The following DLGAP2 variants were observed in gnomAD, a reference collection of about 807,000 sequenced individuals.
The protein encoded by DLGAP2 is DLG associated protein 2.
Under a neutral mutation model 100.3 loss-of-function variants are expected in DLGAP2, and 26 were observed. That is an observed-to-expected ratio of 0.26 (90% CI 0.19 to 0.36). The LOEUF (loss-of-function observed/expected upper bound fraction) is 0.36, where lower values mean the gene tolerates loss of function less well. Ranked by LOEUF, DLGAP2 falls within the 10% of genes least tolerant of loss-of-function variation. The probability of loss-of-function intolerance (pLI) is 1.00; values close to 1 mark genes in which losing one functional copy is unlikely to be tolerated. For synonymous variants in DLGAP2, 886 were observed against 630.1 expected (o/e 1.41, Z -6.08); for missense variants, 1,858 against 1,453.2 (o/e 1.28, Z -4.53).
At chr8:869,125 G>A (rs772500598) in intron 1 of DLGAP2, among the ~76,000 whole-genome samples, 1 of 152,056 alleles carries the variant, frequency 6.6e-6, no homozygotes, top group African/African-American at 2.4e-5. Flanking sequence ...CCTGCTTCAC[G>A]CCTCTCTTCT....
At chr8:1,661,702 C>T (rs556819717) in intron 8 of DLGAP2, among the ~76,000 whole-genome samples, 1 of 152,264 alleles carries the variant, frequency 6.6e-6, no homozygotes, top group South Asian at 2.1e-4. Context: ...TGAATTGGAG[C>T]TCCATGATGC....
At chr8:1,202,260 G>A (rs1306826915) in intron 2 of DLGAP2, among the ~76,000 whole-genome samples, 1 of 146,852 alleles carries the variant, frequency 6.8e-6, no homozygotes, top group Non-Finnish European at 1.5e-5. Context: ...GTGTGTGTGT[G>A]TGTGTGTGTG....
Position 967,063 on chromosome 8 carries a change from T to C in DLGAP2, c.73+59097T>C, listed in dbSNP as rs886797080. Among the ~76,000 whole-genome samples, 8 of 152,392 alleles carry C rather than the reference T, an allele frequency of 5.2e-5. No individual in the cohort carries two copies. In the East Asian group the frequency reaches 1.5e-3, roughly 29 times the overall value. The stretch of plus-strand genomic sequence containing the variant: ...GGTTACTTTTCTTTTAAATGAATGC[T>C]GAAATAAACTTCTTTGTGTATTTAC... On this transcript the variant is annotated intron_variant, in intron 2 of 14. Coordinates refer to ENST00000637795, the MANE Select transcript of DLGAP2 (RefSeq NM_001346810.2).
At chr8:1,614,400 C>T (rs1291780110) in intron 6 of DLGAP2, among the ~76,000 whole-genome samples, 1 of 152,256 alleles carries the variant, frequency 6.6e-6, no homozygotes, top group African/African-American at 2.4e-5. Flanking sequence ...GCTGGTACCA[C>T]AGGCAGGACA....
rs998143994 is a variant in DLGAP2 at position 1,418,498 on chromosome 8, C to G, written c.107-82868C>G. Reference sequence around the variant, plus strand: ...CTTCTTTCTCTCTTTTAACCCCAAACCCACGATTTATGTCTCTACTTTCAC... The same window carrying G: ...CTTCTTTCTCTCTTTTAACCCCAAAGCCACGATTTATGTCTCTACTTTCAC... On this transcript the variant is annotated intron_variant, in intron 3 of 14. Coordinates refer to ENST00000637795, the MANE Select transcript of DLGAP2 (RefSeq NM_001346810.2). 3.9e-5 allele frequency among the ~76,000 whole-genome samples: 6 copies of G among 152,192 alleles called. No individual in the cohort carries two copies. In the East Asian group the frequency reaches 7.7e-4, roughly 20 times the overall value.
Position 1,554,600 on chromosome 8 carries a change from C to T in DLGAP2, c.1230+4917C>T, listed in dbSNP as rs191044359. Among the ~76,000 whole-genome samples, 123 of 152,306 alleles carry T rather than the reference C, an allele frequency of 8.1e-4. 1 individual carries two copies. Among genetic ancestry groups the T allele is most frequent in the Middle Eastern group, 3.4e-3 (1 of 294 alleles). ...CTGAGCCCGGGTCCTGTCTTTGTCC[C>T]GCTTTGCCCCTGTATCTAGGAGGGT... On this transcript the variant is annotated intron_variant, in intron 5 of 14. Transcript: ENST00000637795.
chr8:1,242,296 G>T (rs117291469), intron 2 of DLGAP2, among the ~76,000 whole-genome samples: 2 of 152,174 alleles, frequency 1.3e-5, no homozygotes, highest in African/African-American at 4.8e-5. Context: ...ATGAGAGGAT[G>T]CAGGTGACGG....
At chr8:848,306 C>G (rs186967144) in intron 1 of DLGAP2, among the ~76,000 whole-genome samples, 3 of 151,216 alleles carry the variant, frequency 2.0e-5, no homozygotes, top group African/African-American at 7.3e-5. Context: ...ACGTGCGGTG[C>G]CTGTTCCAGT....
chr8:1,007,105 C>T (rs186003000), intron 2 of DLGAP2, among the ~76,000 whole-genome samples: 48 of 151,834 alleles, frequency 3.2e-4, no homozygotes, highest in South Asian at 1.9e-3. Flanking sequence ...ATGTCGGGGA[C>T]GCCGTGTGTC....
At chr8:1,260,047 T>A (rs1384057134) in intron 3 of DLGAP2, among the ~76,000 whole-genome samples, 2 of 152,136 alleles carry the variant, frequency 1.3e-5, no homozygotes, top group Non-Finnish European at 2.9e-5. Context: ...ATGTGATGTT[T>A]TACAGTCAGG....
intron 3 of DLGAP2, chr8:1,299,781 A>G (rs2116990189): frequency 6.6e-6 from 1 of 152,306 alleles, no homozygotes; most frequent in African/African-American, 2.4e-5. Flanking sequence ...CTTTTAAAGG[A>G]GGTCAAGAAT....
chr8:782,908 C>G (rs1446138886), intron 1 of DLGAP2, among the ~76,000 whole-genome samples: 2 of 152,204 alleles, frequency 1.3e-5, no homozygotes, highest in South Asian at 2.1e-4. Context: ...AATCACAATA[C>G]TCTGTTAGGG....
At chr8:1,175,386 G>A (rs940291602) in intron 2 of DLGAP2, among the ~76,000 whole-genome samples, 1 of 152,286 alleles carries the variant, frequency 6.6e-6, no homozygotes, top group Admixed American at 6.5e-5. Flanking sequence ...AATATCATTA[G>A]CTGTAAAAAT....
intron 3 of DLGAP2, among the ~76,000 whole-genome samples, chr8:1,414,421 T>C (rs1344757401): frequency 2.0e-5 from 3 of 152,138 alleles, no homozygotes; most frequent in South Asian, 2.1e-4. Context: ...TCGTGACCCA[T>C]GGAGCCGGTC....
intron 2 of DLGAP2, among the ~76,000 whole-genome samples, chr8:1,237,506 T>C (rs1283414198): frequency 7.2e-6 from 1 of 138,120 alleles, no homozygotes; most frequent in Non-Finnish European, 1.6e-5. Context: ...TAGCGTCATG[T>C]CTAGTTGTTT....
At chr8:1,618,547 A>G (rs1302113137) in intron 6 of DLGAP2, among the ~76,000 whole-genome samples, 2 of 152,242 alleles carry the variant, frequency 1.3e-5, no homozygotes. Flanking sequence ...ACTGACAAGA[A>G]GATTCTAAAA....
chr8:838,484 C>T (rs1796923133), intron 1 of DLGAP2, among the ~76,000 whole-genome samples: 1 of 151,890 alleles, frequency 6.6e-6, no homozygotes, highest in African/African-American at 2.4e-5. Flanking sequence ...CACTACTGTA[C>T]ATTGATAATA....
chr8:851,912 A>G (rs17752292), intron 1 of DLGAP2, among the ~76,000 whole-genome samples: 18,730 of 152,032 alleles, frequency 0.12, 1,754 homozygotes, highest in East Asian at 0.52. Flanking sequence ...AGCTGTCTTT[A>G]TTATTACTCC....
At chr8:1,044,046 C>A (rs1802448949) in intron 2 of DLGAP2, among the ~76,000 whole-genome samples, 1 of 152,096 alleles carries the variant, frequency 6.6e-6, no homozygotes, top group African/African-American at 2.4e-5. Flanking sequence ...GCAGTGACTG[C>A]CCTGCCACGC....
Sources: gnomAD v4.1 joint callset for allele counts (sites outside exome capture counted in the v4.1 genomes callset) on GRCh38, gnomAD v4.1.1 for gene constraint, MANE v1.5 for transcripts, NCBI Gene and HGNC (gene_info 2026-07-23, HGNC 2026-07-21) for gene names.